The following PARP1 variants were observed in gnomAD, a reference collection of about 807,000 sequenced individuals.
PARP1 encodes poly [ADP-ribose] polymerase 1.
In PARP1, 44 loss-of-function variants were observed where a neutral mutation model predicts 118.7. That is an observed-to-expected ratio of 0.37 (90% CI 0.29 to 0.48). The LOEUF (loss-of-function observed/expected upper bound fraction) is 0.48, where lower values mean the gene tolerates loss of function less well. PARP1 is among the 20% of genes least tolerant of loss of function. The pLI is 0.99. For synonymous variants in PARP1, 492 were observed against 483.2 expected, an observed-to-expected ratio of 1.02 and a Z score of -0.24; for missense variants, 1,100 against 1,272.4, an observed-to-expected ratio of 0.86 and a Z score of 2.06.
Position 226,407,817 on chromosome 1 carries a change from A to G in PARP1, c.113T>C (p.Met38Thr). The G allele has an allele frequency of 6.4e-7, 1 of 1,562,238 alleles. No individual in the cohort carries two copies. The highest frequency in any genetic ancestry group is 1.4e-5 in the African/African-American group (1 of 73,518). Residue 38 changes from methionine to threonine, a missense_variant, in exon 1 of 23, where the codon ATG becomes ACG. Physicochemically the swap from Met to Thr is moderately conservative, Grantham distance 81 (BLOSUM62 -1). Coordinates refer to ENST00000366794, the MANE Select transcript of PARP1 (RefSeq NM_001618.4). ...IPKDSLRMAIMVQSPMFDGKV... is the reference protein window; with the variant it reads ...IPKDSLRMAITVQSPMFDGKV... The stretch of plus-strand genomic sequence containing the variant: ...CCGCACAGCGGCCCGCACCTGCACC[A>G]TGATGGCCATCCGGAGCGAGTCCTT...
rs558204410 is a variant in PARP1 at position 226,386,682 on chromosome 1, G to C, written c.718-240C>G. ...TGGAAGGTGATGAGGAAGCCCTAAG[G>C]GTGTGGGGGAGACTGCACCAAGGCT... On this transcript the variant is annotated intron_variant, in intron 5 of 22. Transcript: ENST00000366794. 4.6e-5 allele frequency among the ~76,000 whole-genome samples: 7 copies of C among 152,238 alleles called. No individual in the cohort carries two copies. The South Asian group carries it at 1.5e-3, about 32-fold the overall frequency.
At chr1:226,368,470 A>C (rs1664317283) in intron 15 of PARP1, 149 bp from the exon 16 acceptor site, 7 of 964,672 alleles carry the variant, frequency 7.3e-6, no homozygotes, top group Non-Finnish European at 1.1e-5. Context: ...AACGACCAGA[A>C]GACCATCTTC....
rs367616962 is a variant in PARP1 at position 226,390,671 on chromosome 1, T to C, written c.403-47A>G. The C allele has an allele frequency of 2.7e-5, 42 of 1,558,288 alleles. No homozygotes were observed. The Middle Eastern group carries it at 5.0e-4, about 19-fold the overall frequency. ...GTACCAAGGGAGCGACAAGCAAGGA[T>C]AGTGAACATGATACGGGCAGCCTGT... is the stretch of plus-strand genomic sequence containing the variant. On this transcript the variant is annotated intron_variant, in intron 3 of 22. Coordinates refer to ENST00000366794, the MANE Select transcript of PARP1 (RefSeq NM_001618.4).
At chr1:226,384,310 G>A (rs764208951) in intron 7 of PARP1, among the ~76,000 whole-genome samples, 4 of 152,372 alleles carry the variant, frequency 2.6e-5, no homozygotes, top group Admixed American at 2.0e-4. Flanking sequence ...GAAAAAGGCT[G>A]CAGAAGGCCA....
intron 3 of PARP1, 89 bp downstream of exon 3, chr1:226,392,110 C>T (rs991286624): frequency 1.1e-6 from 1 of 900,210 alleles, no homozygotes; most frequent in Non-Finnish European, 1.9e-6. Flanking sequence ...CACCCTAAAG[C>T]CCCCATTTCT....
chr1:226,381,310 A>G, intron 8 of PARP1, 102 bp from the exon 9 acceptor site: 1 of 1,382,684 alleles, frequency 7.2e-7, no homozygotes, highest in African/African-American at 1.4e-5. Flanking sequence ...AGCTCCTGGG[A>G]AAAGCCTATG....
At chr1:226,376,165 T>G (rs559642925) in intron 13 of PARP1, among the ~76,000 whole-genome samples, 64 of 152,254 alleles carry the variant, frequency 4.2e-4, no homozygotes, top group African/African-American at 1.4e-3. Context: ...CTACGAGACA[T>G]GCTAGGCCTC....
Position 226,361,164 on chromosome 1 carries a change from T to A in PARP1, c.*296A>T, listed in dbSNP as rs139052323. ...TTCTAACGAAGCTTGGTTTTTTCCA[T>A]AGGACTAGTCTATGCAACAGAATCT... On this transcript the variant is annotated 3_prime_UTR_variant, in exon 23 of 23. Transcript: ENST00000366794. 71 of 451,826 alleles carry A rather than the reference T, an allele frequency of 1.6e-4. No homozygotes were observed. The East Asian group carries it at 2.5e-3, about 16-fold the overall frequency. 28.0% of individuals were successfully genotyped at this position (451,826 alleles called of 1,614,324 possible). A position where few individuals can be genotyped will look rare whatever the true frequency, so the allele number is the denominator to read the frequency against.
intron 11 of PARP1, 59 bp downstream of exon 11, chr1:226,379,514 A>C (rs1447012511): frequency 2.2e-6 from 3 of 1,378,628 alleles, no homozygotes; most frequent in Non-Finnish European, 3.1e-6. Flanking sequence ...GTGTGCTCCT[A>C]GTCAGCTGGG....
At position 226,365,077 on chromosome 1, in the gene PARP1, C is replaced by A; in HGVS notation, c.2583G>T (p.Trp861Cys). The part of the protein sequence containing the change: ...FKQLHNRRLL[W>C]HGSRTTNFAG... ...CAAAGTTGGTGGTCCTGGACCCGTG[C>A]CACAGCAATCTTCGGTTATGAAGCT... The change falls in exon 19 of 23, where the codon TGG becomes TGT. Residue 861 changes from tryptophan (W) to cysteine (C), a missense_variant. By Grantham distance (215) the Trp-to-Cys change is radical (BLOSUM62 -2). This residue lies in a region of PARP1 where 152 missense variants were observed against 240.6 expected (regional missense o/e 0.63). Transcript: ENST00000366794. 1 of 1,614,254 alleles carries A rather than the reference C, an allele frequency of 6.2e-7. No homozygotes were observed. The highest frequency in any genetic ancestry group is 1.1e-5 in the South Asian group (1 of 91,084).
At chr1:226,376,158 C>T (rs2027440) in intron 13 of PARP1, among the ~76,000 whole-genome samples, 124,120 of 152,038 alleles carry the variant, frequency 0.82, 51,210 homozygotes, top group African/African-American at 0.87. Context: ...ATTCCCCCTA[C>T]GAGACATGCT....
rs149478982 is a variant in PARP1 at position 226,368,353 on chromosome 1, C to T, written c.2155-32G>A. 46 of 1,613,828 alleles carry T rather than the reference C, an allele frequency of 2.9e-5. No homozygotes were observed. In the African/African-American group the frequency reaches 4.5e-4, roughly 16 times the overall value. On this transcript the variant is annotated intron_variant, in intron 15 of 22. Transcript: ENST00000366794. Reference sequence around the variant, plus strand: ...AGGAGGGGACAGAAGGAATGCAAGACTGAGGGAGCAGCTCCAAGCCCCCGG... The same window carrying T: ...AGGAGGGGACAGAAGGAATGCAAGATTGAGGGAGCAGCTCCAAGCCCCCGG...
chr1:226,403,225 A>T (rs144345061), intron 1 of PARP1, among the ~76,000 whole-genome samples: 20 of 152,280 alleles, frequency 1.3e-4, no homozygotes, highest in Admixed American at 1.3e-3. Context: ...CGAGTCTTGC[A>T]CTGAGTGCAG....
At chr1:226,370,999 T>A in intron 14 of PARP1, 1 of 203,010 alleles carries the variant, frequency 4.9e-6, no homozygotes, top group South Asian at 9.6e-5. Flanking sequence ...GACACACTCC[T>A]GAACTTATGG....
At chr1:226,387,308 A>G (rs931986791) in intron 5 of PARP1, among the ~76,000 whole-genome samples, 1 of 152,152 alleles carries the variant, frequency 6.6e-6, no homozygotes, top group Non-Finnish European at 1.5e-5. Flanking sequence ...TCTCATAACA[A>G]TCAAGCTTGC....
At chr1:226,369,854 G>C (rs750454698) in intron 15 of PARP1, among the ~76,000 whole-genome samples, 4 of 152,072 alleles carry the variant, frequency 2.6e-5, no homozygotes, top group Non-Finnish European at 4.4e-5. Flanking sequence ...CTACTTGGGA[G>C]TCTGAGGCAC....
At chr1:226,370,777 G>A in intron 14 of PARP1, 2 of 533,110 alleles carry the variant, frequency 3.8e-6, no homozygotes, top group Non-Finnish European at 6.9e-6. Context: ...CCTATGCCCA[G>A]TTTCAAACAG....
At chr1:226,402,158 T>A (rs1665048779) in intron 2 of PARP1, 56 bp downstream of exon 2, 5 of 1,614,136 alleles carry the variant, frequency 3.1e-6, no homozygotes, top group Non-Finnish European at 4.2e-6. Flanking sequence ...GACGAGGCCC[T>A]CCTGGGAGCT....
Position 226,364,079 on chromosome 1 carries a change from T to G in PARP1, c.2659-9A>C. The G allele has an allele frequency of 6.2e-7, 1 of 1,613,658 alleles. No individual in the cohort carries two copies. The highest frequency in any genetic ancestry group is 8.5e-7 in the Non-Finnish European group (1 of 1,179,724). The stretch of plus-strand genomic sequence containing the variant: ...CCAAACATGTAGCCTGTCTGGAAGG[T>G]CGGAAAAGGGAGAGCTGAGAATCTT... On this transcript the variant is annotated splice_polypyrimidine_tract_variant and intron_variant, in intron 19 of 22. Coordinates refer to ENST00000366794, the MANE Select transcript of PARP1 (RefSeq NM_001618.4).
Sources: gnomAD v4.1 joint callset for allele counts (sites outside exome capture counted in the v4.1 genomes callset) on GRCh38, gnomAD v4.1.1 for gene constraint, gnomAD v4.1.1 regional missense constraint, MANE v1.5 for transcripts, NCBI Gene and HGNC (gene_info 2026-07-23, HGNC 2026-07-21) for gene names.